Variants in QSER1 observed in about 807,000 individuals in gnomAD.
QSER1 encodes the protein glutamine and serine-rich protein 1.
QSER1 carries 49 observed loss-of-function variants against 158.5 expected under a neutral mutation model. The observed-to-expected ratio is 0.31, with a 90% CI of 0.25 to 0.39. QSER1 has a LOEUF of 0.39. Ranked by LOEUF, QSER1 falls within the 10% of genes least tolerant of loss-of-function variation. QSER1 has a pLI of 1.00. For synonymous variants in QSER1, 650 were observed against 715.5 expected (o/e 0.91, Z 1.46); for missense variants, 1,754 against 2,010.3 (o/e 0.87, Z 2.44).
intron 8 of QSER1, among the ~76,000 whole-genome samples, chr11:32,960,153 G>A (rs1386582588): frequency 6.6e-6 from 1 of 152,174 alleles, no homozygotes; most frequent in Non-Finnish European, 1.5e-5. Flanking sequence ...TCAGGAGAAA[G>A]GATTGCTTGA....
intron 1 of QSER1, among the ~76,000 whole-genome samples, chr11:32,925,806 G>A (rs1460056497): frequency 6.6e-6 from 1 of 152,030 alleles, no homozygotes; most frequent in Non-Finnish European, 1.5e-5. Context: ...GGGATTACAG[G>A]CATGAGCCAC....
At chr11:32,926,409 T>C (rs1455582184) in intron 1 of QSER1, among the ~76,000 whole-genome samples, 1 of 152,168 alleles carries the variant, frequency 6.6e-6, no homozygotes, top group Admixed American at 6.5e-5. Context: ...ACTGATGATA[T>C]CTCCAAGTTA....
In QSER1 at chr11:32,934,541, A is replaced by C. The variant is rs752342151; in HGVS notation, c.3283A>C (p.Ser1095Arg). 1.2e-6 allele frequency: 2 copies of C among 1,613,564 alleles called. No individual in the cohort carries two copies. Among genetic ancestry groups the C allele is most frequent in the Non-Finnish European group, 1.7e-6 (2 of 1,179,986 alleles). Reference sequence around the variant, plus strand: ...AGTAACTTCAGCAGTGGTTGGACCAAGTCATGAAGTCCAGGAGCAAAGTTC... The same window carrying C: ...AGTAACTTCAGCAGTGGTTGGACCACGTCATGAAGTCCAGGAGCAAAGTTC... ...TKVTSAVVGP[S>R]HEVQEQSSGP... Residue 1095 changes from serine to arginine, a missense_variant, in exon 4 of 13, where the codon AGT becomes CGT. This residue lies in a region of QSER1 where 1,707 missense variants were observed against 1,919.6 expected (regional missense o/e 0.89). Coordinates refer to ENST00000650167, the MANE Select transcript of QSER1 (RefSeq NM_001076786.3).
At chr11:32,936,286 G>A (rs923927937) in intron 4 of QSER1, among the ~76,000 whole-genome samples, 2 of 151,040 alleles carry the variant, frequency 1.3e-5, no homozygotes, top group Non-Finnish European at 2.9e-5. Context: ...AACACGTGGT[G>A]TTTGGTTTTT....
intron 1 of QSER1, among the ~76,000 whole-genome samples, chr11:32,900,952 A>G (rs951714335): frequency 2.0e-5 from 3 of 152,168 alleles, no homozygotes; most frequent in Admixed American, 2.0e-4. Flanking sequence ...TGTATCGTTT[A>G]TTACCACCCT....
At chr11:32,967,936 G>T (rs1852779373) in intron 9 of QSER1, among the ~76,000 whole-genome samples, 1 of 152,152 alleles carries the variant, frequency 6.6e-6, no homozygotes, top group Non-Finnish European at 1.5e-5. Flanking sequence ...TAAAGAACAG[G>T]TTAGAGGTTG....
intron 10 of QSER1, among the ~76,000 whole-genome samples, chr11:32,972,523 C>T (rs769291727): frequency 6.6e-6 from 1 of 151,874 alleles, no homozygotes; most frequent in Non-Finnish European, 1.5e-5. Context: ...ACAACCTCTG[C>T]CTCCCGAGTT....
At chr11:32,894,694 G>A (rs1375887579) in intron 1 of QSER1, among the ~76,000 whole-genome samples, 1 of 152,202 alleles carries the variant, frequency 6.6e-6, no homozygotes, top group Admixed American at 6.5e-5. Flanking sequence ...AGCTTTCTCA[G>A]AAAATTTTAG....
At chr11:32,949,626 T>G (rs1269441339) in intron 4 of QSER1, among the ~76,000 whole-genome samples, 2 of 152,342 alleles carry the variant, frequency 1.3e-5, no homozygotes, top group East Asian at 3.9e-4. Context: ...ACAAGACAAA[T>G]CAGTTTCCAT....
chr11:32,947,405 C>A (rs1852354082), intron 4 of QSER1, among the ~76,000 whole-genome samples: 1 of 152,068 alleles, frequency 6.6e-6, no homozygotes, highest in Middle Eastern at 3.2e-3. Context: ...TAATAGATTT[C>A]ATTAATAGTG....
chr11:32,938,622 T>G (rs189612516), intron 4 of QSER1, among the ~76,000 whole-genome samples: 5 of 152,202 alleles, frequency 3.3e-5, no homozygotes, highest in Non-Finnish European at 7.3e-5. Context: ...GCTGTTAGTT[T>G]TTTGTGGACT....
intron 4 of QSER1, among the ~76,000 whole-genome samples, chr11:32,953,121 G>A (rs1852451900): frequency 6.6e-6 from 1 of 151,636 alleles, no homozygotes; most frequent in African/African-American, 2.4e-5. Context: ...TTAGTATTTT[G>A]TGTCTTTCTA....
chr11:32,912,956 C>G (rs1029360579), intron 1 of QSER1, among the ~76,000 whole-genome samples: 1 of 152,012 alleles, frequency 6.6e-6, no homozygotes, highest in Non-Finnish European at 1.5e-5. Context: ...TTGAGAGGCT[C>G]TTGATTCCCT....
chr11:32,893,336 T>G lies in QSER1; in HGVS notation c.209+2T>G, dbSNP rs1564922232. On this transcript the variant is annotated splice_donor_variant, in intron 1 of 12. Transcript: ENST00000650167. LOFTEE classifies it high-confidence loss of function. The surrounding 1 kb of genome is among the most constrained non-coding windows in gnomAD (Gnocchi z 4.7). ...CAGCAGCCCCAGCCTCAAGGCCAGG[T>G]AGGGAGGGTGGGCGGCGGGGTCGCG... The G allele has an allele frequency of 6.6e-6, 1 of 151,596 alleles. No homozygotes were observed. Among genetic ancestry groups the G allele is most frequent in the Non-Finnish European group, 1.5e-5 (1 of 67,502 alleles). 9.4% of individuals were successfully genotyped at this position (151,596 alleles called of 1,614,324 possible). A position where few individuals can be genotyped will look rare whatever the true frequency, so the allele number is the denominator to read the frequency against.
rs200261535 is a variant in QSER1 at position 32,933,200 on chromosome 11, G to C, written c.1942G>C (p.Val648Leu). 17 of 1,613,882 alleles carry C rather than the reference G, an allele frequency of 1.1e-5. No homozygotes were observed. Among genetic ancestry groups the C allele is most frequent in the Non-Finnish European group, 1.4e-5 (17 of 1,179,946 alleles). Residue 648 changes from valine (V) to leucine (L), a missense_variant, in exon 4 of 13, where the codon GTC becomes CTC. Transcript: ENST00000650167. ...SPQSQKFLPA[V>L]QSSSFASSTH... is the part of the protein sequence containing the mutation. ...CCAGTCCCAGAAGTTTTTGCCTGCT[G>C]TCCAGTCATCATCTTTTGCATCCTC... is the stretch of plus-strand genomic sequence containing the variant.
At chr11:32,902,908 A>G (rs904212787) in intron 1 of QSER1, among the ~76,000 whole-genome samples, 7 of 152,208 alleles carry the variant, frequency 4.6e-5, no homozygotes, top group African/African-American at 1.7e-4. Context: ...AATTTGTCCA[A>G]TATCGTTGCT....
At chr11:32,962,558 G>A (rs1418760551) in intron 8 of QSER1, among the ~76,000 whole-genome samples, 3 of 151,968 alleles carry the variant, frequency 2.0e-5, no homozygotes, top group Admixed American at 2.0e-4. Context: ...TTGTTACTCA[G>A]CTTTTGTTCA....
intron 1 of QSER1, among the ~76,000 whole-genome samples, chr11:32,900,432 G>T (rs754738753): frequency 1.3e-4 from 20 of 152,124 alleles, no homozygotes; most frequent in Non-Finnish European, 1.9e-4. Flanking sequence ...GGTGGCAGGT[G>T]CCTGTAGTCC....
rs1188622822 is a variant in QSER1 at position 32,892,857 on chromosome 11, C to CCGCCGCCGCCGT, written c.-264_-263insCCGCCGTCGCCG. Among the ~76,000 whole-genome samples the CCGCCGCCGCCGT allele has an allele frequency of 3.4e-4, 50 of 149,094 alleles. No individual in the cohort carries two copies. Among genetic ancestry groups the CCGCCGCCGCCGT allele is most frequent in the African/African-American group, 8.0e-4 (33 of 41,010 alleles). Reference sequence around the variant, plus strand: ...TGGGGCGCAGCGGCCGCCGCCGCCGCCGCCGTCGCCGCGAGTCCCGGCCGC... The same window carrying CCGCCGCCGCCGT: ...TGGGGCGCAGCGGCCGCCGCCGCCGCCGCCGCCGCCGTCGCCGTCGCCGCGAGTCCCGGCCGC... On this transcript the variant is annotated 5_prime_UTR_variant, in exon 1 of 13. Transcript: ENST00000650167.
Sources: allele counts gnomAD v4.1 joint callset (sites outside exome capture counted in the v4.1 genomes callset), GRCh38; gene constraint gnomAD v4.1.1; regional missense constraint gnomAD v4.1.1; non-coding constraint Gnocchi (gnomAD v3.1); transcripts MANE v1.5; gene names NCBI Gene and HGNC (gene_info 2026-07-23, HGNC 2026-07-21).